Variants in RHBDF2 observed in about 807,000 individuals in gnomAD.
The protein encoded by RHBDF2 is inactive rhomboid protein 2.
A neutral mutation model predicts 95.2 loss-of-function variants in RHBDF2; 38 were observed. The ratio of observed to expected loss-of-function variants is 0.40; its 90% CI spans 0.31 to 0.52. The LOEUF (loss-of-function observed/expected upper bound fraction) is 0.52. Among genes scored for constraint, RHBDF2 ranks in the 20% least tolerant of loss-of-function variants. The probability of loss-of-function intolerance (pLI) is 0.56; values close to 1 mark genes in which losing one functional copy is unlikely to be tolerated. For synonymous variants in RHBDF2, 442 were observed against 462.0 expected, an observed-to-expected ratio of 0.96 and a Z score of 0.55; for missense variants, 863 against 1,137.7, an observed-to-expected ratio of 0.76 and a Z score of 3.47.
intron 1 of RHBDF2, among the ~76,000 whole-genome samples, chr17:76,496,043 A>G (rs2074419503): frequency 6.6e-6 from 1 of 152,190 alleles, no homozygotes; most frequent in Non-Finnish European, 1.5e-5. Flanking sequence ...ATAAGGGGCC[A>G]GAGATGGGAC....
rs60130089 is a variant in RHBDF2, at chr17:76,498,789, A to AGTGT, written c.-220+2560_-220+2563dup. ...CCCCTCCTGGGCTGGAGAGAAAGAGAGTGTGTGTGTGTGTGTGTGTGTGTG... is the reference window on the plus strand; with the variant it reads ...CCCCTCCTGGGCTGGAGAGAAAGAGAGTGTGTGTGTGTGTGTGTGTGTGTGTGTG... On this transcript the variant is annotated intron_variant, in intron 1 of 18. Coordinates refer to ENST00000675367, the MANE Select transcript of RHBDF2 (RefSeq NM_001005498.4). Among the ~76,000 whole-genome samples, 1,287 of 143,752 alleles carry AGTGT rather than the reference A, an allele frequency of 9.0e-3. 13 individuals carry two copies. The highest frequency in any genetic ancestry group is 0.011 in the Non-Finnish European group (697 of 65,400). 94.3% of individuals were successfully genotyped at this position (143,752 alleles called of 152,430 possible).
intron 2 of RHBDF2, chr17:76,481,824 C>G (rs1275843130): frequency 1.3e-5 from 3 of 225,694 alleles, no homozygotes; most frequent in African/African-American, 6.7e-5. Flanking sequence ...CGTGGTGGCA[C>G]GTGCCTGTAA....
intron 1 of RHBDF2, among the ~76,000 whole-genome samples, chr17:76,495,339 G>A (rs1363986146): frequency 1.3e-5 from 2 of 152,200 alleles, no homozygotes; most frequent in African/African-American, 4.8e-5. Flanking sequence ...ACTGTCCTGT[G>A]CTTACAAAGT....
At chr17:76,479,422 C>T in intron 4 of RHBDF2, 145 bp from the exon 5 acceptor site, 1 of 1,196,416 alleles carries the variant, frequency 8.4e-7, no homozygotes, top group East Asian at 2.5e-5. Context: ...CTGGCTGGAG[C>T]CCAGTGACCA....
Position 76,473,863 on chromosome 17 carries a change from C to T in RHBDF2, c.1614G>A (p.Trp538Ter), listed in dbSNP as rs1427955405. ...EEPASSGAHI[W>*]PDDITKWPIC... Reference sequence around the variant, plus strand: ...CCGGCCACTTAGTGATGTCATCGGGCCAGATGTGGGCACCGCTGGAGGCTG... The same window carrying T: ...CCGGCCACTTAGTGATGTCATCGGGTCAGATGTGGGCACCGCTGGAGGCTG... The change falls in exon 14 of 19, where the codon TGG becomes TGA. Residue 538 changes from tryptophan (W) to a stop codon, truncating the protein, a stop_gained. Transcript: ENST00000675367. LOFTEE classifies it high-confidence loss of function. The T allele has an allele frequency of 1.2e-6, 2 of 1,614,066 alleles. No homozygotes were observed. The highest frequency in any genetic ancestry group is 1.7e-5 in the Admixed American group (1 of 60,028).
chr17:76,474,555 G>T, intron 11 of RHBDF2, 21 bp from the exon 12 acceptor site: 1 of 1,613,594 alleles, frequency 6.2e-7, no homozygotes, highest in African/African-American at 1.3e-5. Context: ...GAAAGGGAGG[G>T]GAGAGAGTGA....
At chr17:76,486,937 C>T (rs2074146402) in intron 2 of RHBDF2, among the ~76,000 whole-genome samples, 1 of 149,166 alleles carries the variant, frequency 6.7e-6, no homozygotes, top group Non-Finnish European at 1.5e-5. Context: ...GTGCCGGTCC[C>T]ACCTCGCTTC....
At position 76,477,010 on chromosome 17, in the gene RHBDF2, C is replaced by T. The variant is rs189970132; in HGVS notation, c.935G>A (p.Arg312Gln). The change falls in exon 9 of 19, where the codon CGA becomes CAA. Residue 312 changes from arginine (R) to glutamine (Q), a missense_variant. Transcript: ENST00000675367. ...GCGCCGGGGCCCGGGGACTGGGGCT[C>T]GGCCATACTCCTTCCTGGTGGGGAT... ...GVQIPLKEYGRAPVPGPRRGK... is the reference protein window; with the variant it reads ...GVQIPLKEYGQAPVPGPRRGK... The T allele has an allele frequency of 1.2e-4, 189 of 1,613,618 alleles. No homozygotes were observed. Among genetic ancestry groups the T allele is most frequent in the Non-Finnish European group, 1.5e-4 (178 of 1,179,960 alleles).
intron 1 of RHBDF2, among the ~76,000 whole-genome samples, chr17:76,489,361 T>C (rs556189210): frequency 1.6e-4 from 24 of 149,002 alleles, no homozygotes; most frequent in Non-Finnish European, 2.8e-4. Flanking sequence ...TCTCGCTCTG[T>C]AGCCCAGGCT....
rs750372098 is a variant in RHBDF2, at chr17:76,481,473, G to T, written c.52C>A (p.Arg18Ser). ...GGSVSSVSSSRLQSRKPPNLS... is the reference protein window; with the variant it reads ...GGSVSSVSSSSLQSRKPPNLS... ...TTGGGTGGCTTCCGGCTCTGCAGGC[G>T]GCTGCTGGACACAGAGGACACGCTC... The change falls in exon 3 of 19, where the codon CGC (arginine) becomes AGC (serine). Residue 18 changes from arginine to serine, a missense_variant. Transcript: ENST00000675367. 6.2e-7 allele frequency: 1 copy of T among 1,612,012 alleles called. No homozygotes were observed. Among genetic ancestry groups the T allele is most frequent in the South Asian group, 1.1e-5 (1 of 91,068 alleles).
chr17:76,494,930 CCA>C (rs1450316796), intron 1 of RHBDF2, among the ~76,000 whole-genome samples: 1 of 152,172 alleles, frequency 6.6e-6, no homozygotes, highest in African/African-American at 2.4e-5. Context: ...CAGCCGGGCC[CCA>C]GTTCTCCTGC....
intron 1 of RHBDF2, among the ~76,000 whole-genome samples, chr17:76,492,880 A>T (rs539026673): frequency 3.9e-5 from 6 of 152,096 alleles, no homozygotes; most frequent in Non-Finnish European, 8.8e-5. Context: ...AGGCCCTTGG[A>T]TAAGAAGTAA....
chr17:76,489,683 G>A (rs982522875), intron 1 of RHBDF2, among the ~76,000 whole-genome samples: 3 of 126,922 alleles, frequency 2.4e-5, no homozygotes, highest in Admixed American at 8.8e-5. Flanking sequence ...CCAAGATGCC[G>A]GAAGCCCTCC....
At chr17:76,473,512 G>A (rs1376486698) in intron 15 of RHBDF2, 136 bp downstream of exon 15, 8 of 954,608 alleles carry the variant, frequency 8.4e-6, no homozygotes, top group African/African-American at 4.8e-5. Context: ...CCCCAGAGCA[G>A]GGGAGCAAAG....
rs2073664572 is a variant in RHBDF2 at position 76,473,651 on chromosome 17, C to T, written c.1730G>A (p.Gly577Asp). Residue 577 changes from glycine to aspartate, a missense_variant, in exon 15 of 19, where the codon GGC becomes GAC. Gly to Asp is a moderately conservative substitution (Grantham distance 94). Around this residue, in one of 2 missense-constraint regions of RHBDF2, gnomAD observed 252 missense variants for 412.2 expected, o/e 0.61. Coordinates refer to ENST00000675367, the MANE Select transcript of RHBDF2 (RefSeq NM_001005498.4). ...GGCCAGGGCCCAGGTCGCTCACCTG[C>T]CCTTGGTGCCGATGCAGCAGGGGCG... ...KGRPCCIGTK[G>D]SCEITTREYC... 1.9e-6 allele frequency: 3 copies of T among 1,606,172 alleles called. No homozygotes were observed. The highest frequency in any genetic ancestry group is 1.7e-6 in the Non-Finnish European group (2 of 1,177,002).
At chr17:76,474,871 C>T (rs1264697178) in intron 10 of RHBDF2, 67 bp from the exon 11 acceptor site, 15 of 1,578,744 alleles carry the variant, frequency 9.5e-6, no homozygotes, top group Non-Finnish European at 1.3e-5. Context: ...GGAGCTGGGG[C>T]AGCTGTCCCC....
chr17:76,476,918 C>T lies in RHBDF2; in HGVS notation c.1027G>A (p.Gly343Ser), dbSNP rs780512787. The T allele has an allele frequency of 5.0e-6, 8 of 1,613,772 alleles. No homozygotes were observed. The highest frequency in any genetic ancestry group is 6.8e-6 in the Non-Finnish European group (8 of 1,179,980). Reference protein sequence around the residue: ...FDRKKRHYGLGVVGNWLNRSY... With the variant: ...FDRKKRHYGLSVVGNWLNRSY... The stretch of plus-strand genomic sequence containing the variant: ...CGGTTCAGCCAGTTGCCCACCACGC[C>T]GAGGCCGTAGTGCCGCTTCTTCCGA... The change falls in exon 9 of 19, where the codon GGC becomes AGC. Residue 343 changes from glycine (G) to serine (S), a missense_variant. Physicochemically the swap from Gly to Ser is moderately conservative, Grantham distance 56. Coordinates refer to ENST00000675367, the MANE Select transcript of RHBDF2 (RefSeq NM_001005498.4).
chr17:76,490,107 A>G (rs1396254350), intron 1 of RHBDF2, among the ~76,000 whole-genome samples: 3 of 152,206 alleles, frequency 2.0e-5, no homozygotes, highest in African/African-American at 7.2e-5. Flanking sequence ...CTCCCCATTG[A>G]TTCCACTGAG....
chr17:76,493,818 C>G (rs2074369247), intron 1 of RHBDF2, among the ~76,000 whole-genome samples: 1 of 152,230 alleles, frequency 6.6e-6, no homozygotes, highest in African/African-American at 2.4e-5. Flanking sequence ...TCACACAGCT[C>G]CCCAGACATC....
Sources: gnomAD v4.1 joint callset for allele counts (sites outside exome capture counted in the v4.1 genomes callset) on GRCh38, gnomAD v4.1.1 for gene constraint, gnomAD v4.1.1 regional missense constraint, MANE v1.5 for transcripts, NCBI Gene and HGNC (gene_info 2026-07-23, HGNC 2026-07-21) for gene names.